The following ZFAT variants were observed in gnomAD, a reference collection of about 807,000 sequenced individuals.
The protein encoded by ZFAT is zinc finger and AT-hook domain containing, also known as zinc finger protein ZFAT.
In ZFAT, 64 loss-of-function variants were observed where a neutral mutation model predicts 117.7. The observed-to-expected ratio is 0.54, with a 90% CI of 0.44 to 0.67. The LOEUF (loss-of-function observed/expected upper bound fraction) is 0.67, where lower values mean the gene tolerates loss of function less well. ZFAT is among the 30% of genes least tolerant of loss of function. The probability of loss-of-function intolerance (pLI) is 0.00; values close to 1 mark genes in which losing one functional copy is unlikely to be tolerated. For missense variants in ZFAT, 1,433 were observed against 1,584.5 expected (o/e 0.90, Z 1.62); for synonymous variants, 679 against 615.0 (o/e 1.10, Z -1.54).
In ZFAT at chr8:134,581,598, G is replaced by T. The variant is rs182345592; in HGVS notation, c.2887+2234C>A. Among the ~76,000 whole-genome samples, 264 of 152,162 alleles carry T rather than the reference G, an allele frequency of 1.7e-3. 3 individuals carry two copies. The highest frequency in any genetic ancestry group is 3.7e-4 in the Non-Finnish European group (25 of 68,002). On this transcript the variant is annotated intron_variant, in intron 10 of 15. Coordinates refer to ENST00000377838, the MANE Select transcript of ZFAT (RefSeq NM_020863.4). ...TGCCTTTCTTTTTTTTGGCAGGGGG[G>T]GTGTAGGGAATGGGTCTCACTCTGT...
At chr8:134,564,880 C>A in intron 11 of ZFAT, 1 of 1,035,042 alleles carries the variant, frequency 9.7e-7, no homozygotes, top group Non-Finnish European at 1.2e-6. Context: ...CTCCTGAGCC[C>A]CTGCAACATG....
intron 2 of ZFAT, among the ~76,000 whole-genome samples, chr8:134,647,766 C>T (rs899367271): frequency 6.6e-5 from 10 of 151,774 alleles, no homozygotes; most frequent in Admixed American, 3.9e-4. Flanking sequence ...ATAATAGCGT[C>T]GAAAAAAATA....
chr8:134,540,454 T>C (rs1276699118), intron 11 of ZFAT, among the ~76,000 whole-genome samples: 3 of 152,332 alleles, frequency 2.0e-5, no homozygotes, highest in African/African-American at 7.2e-5. Flanking sequence ...CCTCCCAATT[T>C]CTCCCATGAC....
chr8:134,567,629 T>C (rs922706396), intron 10 of ZFAT, among the ~76,000 whole-genome samples: 3 of 152,170 alleles, frequency 2.0e-5, no homozygotes, highest in Non-Finnish European at 4.4e-5. Flanking sequence ...CAGAGCAAAG[T>C]TGACGTTCCA....
chr8:134,499,302 ACAGAGCC>A (rs1563776826), intron 15 of ZFAT, among the ~76,000 whole-genome samples: 1 of 130,860 alleles, frequency 7.6e-6, no homozygotes, highest in African/African-American at 3.0e-5. Context: ...CTGGTTACAC[ACAGAGCC>A]TGATTTGGTA....
chr8:134,804,774 A>C, the ZFAT span: 1 of 477,446 alleles, frequency 2.1e-6, no homozygotes, highest in Admixed American at 2.2e-5. Flanking sequence ...GTGCAGTAAA[A>C]GAATGCAGCT....
intron 12 of ZFAT, among the ~76,000 whole-genome samples, chr8:134,530,788 T>C (rs1049350040): frequency 5.5e-5 from 5 of 90,286 alleles, no homozygotes; most frequent in Admixed American, 2.7e-4. Flanking sequence ...AAAAAAATAA[T>C]ACAAATTAAA....
At chr8:134,674,318 C>A (rs1832691935) in intron 1 of ZFAT, among the ~76,000 whole-genome samples, 1 of 152,156 alleles carries the variant, frequency 6.6e-6, no homozygotes. Flanking sequence ...CAGGTCCCAC[C>A]CCTAGAGCCT....
Position 134,543,719 on chromosome 8 carries a change from T to C in ZFAT, c.2977-10747A>G, listed in dbSNP as rs371822086. Among the ~76,000 whole-genome samples, 9 of 152,244 alleles carry C rather than the reference T, an allele frequency of 5.9e-5. No individual in the cohort carries two copies. The South Asian group carries it at 1.0e-3, about 18-fold the overall frequency. On this transcript the variant is annotated intron_variant, in intron 11 of 15. Transcript: ENST00000377838. ...GGGGCTATGGTCATCTAGTGAAACA[T>C]GCCACTGACTGTGAAAGTCAGCAAA...
At chr8:134,635,595 G>C (rs538146913) in intron 3 of ZFAT, among the ~76,000 whole-genome samples, 1 of 152,126 alleles carries the variant, frequency 6.6e-6, no homozygotes, top group South Asian at 2.1e-4. Context: ...GCATATGTAT[G>C]CATGTGAGAC....
At chr8:134,541,422 G>A (rs1220933837) in intron 11 of ZFAT, among the ~76,000 whole-genome samples, 1 of 152,144 alleles carries the variant, frequency 6.6e-6, no homozygotes, top group Non-Finnish European at 1.5e-5. Flanking sequence ...GTCCCCACCA[G>A]CAAGAAGGCT....
intron 7 of ZFAT, among the ~76,000 whole-genome samples, chr8:134,594,500 C>T (rs1408459241): frequency 2.0e-5 from 3 of 152,192 alleles, no homozygotes; most frequent in Non-Finnish European, 2.9e-5. Context: ...AAAGACTATG[C>T]ACTTCTCAAT....
chr8:134,799,901 C>T, the ZFAT span, among the ~76,000 whole-genome samples: 1 of 152,178 alleles, frequency 6.6e-6, no homozygotes, highest in Non-Finnish European at 1.5e-5. Flanking sequence ...TTATTGAGTA[C>T]TTAATATGAC....
intron 1 of ZFAT, 95 bp from the exon 2 acceptor site, chr8:134,657,832 G>C (rs1410169780): frequency 7.5e-7 from 1 of 1,341,186 alleles, no homozygotes; most frequent in Admixed American, 2.2e-5. Flanking sequence ...CTGCCCTTCT[G>C]AGCCATCACC....
intron 3 of ZFAT, among the ~76,000 whole-genome samples, chr8:134,617,748 C>A (rs187663635): frequency 1.3e-5 from 2 of 152,220 alleles, no homozygotes; most frequent in South Asian, 4.1e-4. Flanking sequence ...CCCAACCCAC[C>A]TTGCACATGC....
chr8:134,609,165 CACATATACATATATATGTATATACATAT>C (rs1828132280), intron 4 of ZFAT, among the ~76,000 whole-genome samples: 1 of 151,844 alleles, frequency 6.6e-6, no homozygotes, highest in African/African-American at 2.4e-5. Context: ...TACACACACA[CACATATACATATATATGTATATACATAT>C]ACATATATAT....
At chr8:134,575,466 G>C (rs1825232076) in intron 10 of ZFAT, among the ~76,000 whole-genome samples, 1 of 152,212 alleles carries the variant, frequency 6.6e-6, no homozygotes, top group South Asian at 2.1e-4. Context: ...TGCAGAGACA[G>C]GTTCCCCTCC....
At chr8:134,700,259 A>G (rs975192644) in intron 1 of ZFAT, among the ~76,000 whole-genome samples, 1 of 152,238 alleles carries the variant, frequency 6.6e-6, no homozygotes, top group African/African-American at 2.4e-5. Context: ...CTAAAATGCA[A>G]AGCTAGGTCT....
At chr8:134,830,219 C>T in the ZFAT span, among the ~76,000 whole-genome samples, 1 of 152,122 alleles carries the variant, frequency 6.6e-6, no homozygotes, top group Admixed American at 6.5e-5. Context: ...TTATATATTA[C>T]AAGAAATAAT....
Sources: gnomAD v4.1 joint callset for allele counts (sites outside exome capture counted in the v4.1 genomes callset) on GRCh38, gnomAD v4.1.1 for gene constraint, MANE v1.5 for transcripts, NCBI Gene and HGNC (gene_info 2026-07-23, HGNC 2026-07-21) for gene names.